Variants in PEX5L observed in about 807,000 individuals in gnomAD.
PEX5L encodes the protein peroxisomal biogenesis factor 5 like.
In PEX5L, 30 loss-of-function variants were observed where a neutral mutation model predicts 84.0. That is an observed-to-expected ratio of 0.36 (90% CI 0.27 to 0.48). The LOEUF is 0.48. PEX5L is among the 20% of genes least tolerant of loss of function. PEX5L has a pLI of 0.99. For synonymous variants in PEX5L, 270 were observed against 283.1 expected (o/e 0.95, Z 0.46); for missense variants, 533 against 754.6 (o/e 0.71, Z 3.44).
intron 2 of PEX5L, among the ~76,000 whole-genome samples, chr3:179,970,593 C>T (rs181677480): frequency 1.3e-5 from 2 of 152,278 alleles, no homozygotes; most frequent in African/African-American, 4.8e-5. Flanking sequence ...TCAGTTACCT[C>T]AGTTATTCCA....
intron 8 of PEX5L, among the ~76,000 whole-genome samples, chr3:179,837,722 C>A (rs1270999831): frequency 1.3e-5 from 2 of 152,220 alleles, no homozygotes; most frequent in Non-Finnish European, 2.9e-5. Context: ...TTGCTACCTA[C>A]TAGCTGAACA....
intron 1 of PEX5L, among the ~76,000 whole-genome samples, chr3:180,000,961 T>C (rs570638835): frequency 6.6e-6 from 1 of 152,202 alleles, no homozygotes; most frequent in Non-Finnish European, 1.5e-5. Flanking sequence ...CTGGATTGAA[T>C]TGAAGGATGC....
chr3:179,964,995 G>A (rs1464898078), intron 2 of PEX5L, among the ~76,000 whole-genome samples: 3 of 152,238 alleles, frequency 2.0e-5, no homozygotes, highest in Non-Finnish European at 4.4e-5. Context: ...CATGGCCATA[G>A]CCTGTTTTCA....
chr3:179,835,890 A>T (rs1734759005), intron 8 of PEX5L, among the ~76,000 whole-genome samples: 1 of 152,212 alleles, frequency 6.6e-6, no homozygotes, highest in Admixed American at 6.5e-5. Context: ...ATTCACTCAA[A>T]ATATGAGAAA....
intron 2 of PEX5L, among the ~76,000 whole-genome samples, chr3:179,909,509 A>T (rs1056103129): frequency 6.6e-6 from 1 of 152,174 alleles, no homozygotes; most frequent in South Asian, 2.1e-4. Context: ...GGGTACAGAG[A>T]TCAAGGAGCA....
chr3:180,014,485 A>G (rs910990317), intron 1 of PEX5L, among the ~76,000 whole-genome samples: 1 of 151,714 alleles, frequency 6.6e-6, no homozygotes, highest in African/African-American at 2.4e-5. Context: ...AAAAAAAAAG[A>G]ATGCAGACAC....
intron 9 of PEX5L, among the ~76,000 whole-genome samples, chr3:179,818,988 C>T (rs572156262): frequency 1.3e-3 from 200 of 151,032 alleles, no homozygotes; most frequent in Admixed American, 2.5e-3. Flanking sequence ...GGACTACAGG[C>T]GTAGTCCCCT....
chr3:180,034,182 C>G (rs545392369), intron 1 of PEX5L, among the ~76,000 whole-genome samples: 2 of 152,252 alleles, frequency 1.3e-5, no homozygotes, highest in South Asian at 4.2e-4. Flanking sequence ...TTTAAAGTCT[C>G]TTGGATACAG....
intron 3 of PEX5L, among the ~76,000 whole-genome samples, chr3:179,888,758 GT>G (rs1756693826): frequency 6.6e-6 from 1 of 151,158 alleles, no homozygotes; most frequent in Non-Finnish European, 1.5e-5. Flanking sequence ...AGGTTTTTTT[GT>G]TTTGTTTTGT....
chr3:179,853,801 T>C (rs1742872791), intron 8 of PEX5L, among the ~76,000 whole-genome samples: 2 of 151,456 alleles, frequency 1.3e-5, no homozygotes, highest in South Asian at 4.2e-4. Context: ...CTCTTCCTCT[T>C]CTTCTTCTTA....
chr3:179,985,313 A>G (rs1244773335), intron 1 of PEX5L, among the ~76,000 whole-genome samples: 1 of 152,216 alleles, frequency 6.6e-6, no homozygotes, highest in African/African-American at 2.4e-5. Flanking sequence ...TCAAGCATGA[A>G]AGGTCATCTC....
At chr3:179,882,363 T>A (rs536537142) in intron 4 of PEX5L, among the ~76,000 whole-genome samples, 1 of 152,350 alleles carries the variant, frequency 6.6e-6, no homozygotes, top group African/African-American at 2.4e-5. Flanking sequence ...CTCAGTAAGG[T>A]TCTTTCCCCC....
intron 2 of PEX5L, among the ~76,000 whole-genome samples, chr3:179,959,198 C>G (rs1781403161): frequency 6.6e-6 from 1 of 152,068 alleles, no homozygotes; most frequent in African/African-American, 2.4e-5. Flanking sequence ...TAGACAGGTT[C>G]TAAAAAACAT....
chr3:179,975,719 T>A (rs551358945), intron 1 of PEX5L, among the ~76,000 whole-genome samples: 2 of 152,348 alleles, frequency 1.3e-5, no homozygotes, highest in South Asian at 4.1e-4. Context: ...TATCCTCTTT[T>A]TCACCTATCT....
At chr3:179,824,490 G>A (rs1396846599) in intron 8 of PEX5L, among the ~76,000 whole-genome samples, 1 of 152,186 alleles carries the variant, frequency 6.6e-6, no homozygotes, top group Non-Finnish European at 1.5e-5. Flanking sequence ...TGGATCACCT[G>A]AGGTCGGGAG....
chr3:179,967,350 G>T (rs1425104458), intron 2 of PEX5L, among the ~76,000 whole-genome samples: 1 of 152,084 alleles, frequency 6.6e-6, no homozygotes, highest in Non-Finnish European at 1.5e-5. Flanking sequence ...GCTAAACTGG[G>T]GATGAAGGGA....
intron 2 of PEX5L, among the ~76,000 whole-genome samples, chr3:179,960,359 T>C (rs1026130010): frequency 6.6e-6 from 1 of 152,094 alleles, no homozygotes; most frequent in Non-Finnish European, 1.5e-5. Flanking sequence ...GAATGGGGCA[T>C]GAAGTTGAGG....
intron 2 of PEX5L, 137 bp downstream of exon 2, chr3:179,971,457 T>C (rs531496657): frequency 8.0e-7 from 1 of 1,254,870 alleles, no homozygotes; most frequent in African/African-American, 1.5e-5. Flanking sequence ...GCGGCTTAGC[T>C]GCTCTCAAAA....
chr3:179,886,735 T>A (rs1273347883), intron 4 of PEX5L, among the ~76,000 whole-genome samples: 2 of 152,190 alleles, frequency 1.3e-5, no homozygotes, highest in East Asian at 3.8e-4. Flanking sequence ...TTTTGGCATT[T>A]TGGAAAAATC....
Sources: gnomAD v4.1 joint callset for allele counts (sites outside exome capture counted in the v4.1 genomes callset) on GRCh38, gnomAD v4.1.1 for gene constraint, MANE v1.5 for transcripts, NCBI Gene and HGNC (gene_info 2026-07-23, HGNC 2026-07-21) for gene names.